The following XKR6 variants were observed in gnomAD, a reference collection of about 807,000 sequenced individuals.
XKR6 encodes the protein XK related 6.
In XKR6, 22 loss-of-function variants were observed where a neutral mutation model predicts 56.7. The observed-to-expected ratio is 0.39, with a 90% CI of 0.28 to 0.55. The LOEUF is 0.55. XKR6 is among the 20% of genes least tolerant of loss of function. The pLI is 0.66. For missense variants in XKR6, 852 were observed against 889.0 expected (o/e 0.96, Z 0.53); for synonymous variants, 524 against 387.8 (o/e 1.35, Z -4.13).
chr8:11,015,260 C>G (rs1161540653), intron 1 of XKR6, among the ~76,000 whole-genome samples: 3 of 151,736 alleles, frequency 2.0e-5, no homozygotes, highest in Non-Finnish European at 4.4e-5. Context: ...TAGCATTGCT[C>G]TGAAATCCTC....
chr8:11,195,360 TATC>T, intron 1 of XKR6: 1 of 589,056 alleles, frequency 1.7e-6, no homozygotes, highest in Non-Finnish European at 3.0e-6. Flanking sequence ...CAACTGCTAA[TATC>T]ATGTTAAATA....
chr8:11,094,005 C>T (rs865789155), intron 1 of XKR6, among the ~76,000 whole-genome samples: 4 of 151,206 alleles, frequency 2.6e-5, no homozygotes, highest in Admixed American at 6.6e-5. Context: ...CGGATGGTCT[C>T]GATCTCCTGA....
chr8:11,066,400 A>C (rs968072751), intron 1 of XKR6, among the ~76,000 whole-genome samples: 1 of 152,188 alleles, frequency 6.6e-6, no homozygotes, highest in African/African-American at 2.4e-5. Context: ...TTGATTTTGG[A>C]CATAAGCCAC....
chr8:10,986,245 T>C (rs780153898), intron 1 of XKR6, among the ~76,000 whole-genome samples: 1 of 152,186 alleles, frequency 6.6e-6, no homozygotes, highest in Non-Finnish European at 1.5e-5. Context: ...TAAAAGTGGA[T>C]ACCAACTTCA....
chr8:10,963,816 T>C (rs1220209643), intron 1 of XKR6, among the ~76,000 whole-genome samples: 6 of 152,132 alleles, frequency 3.9e-5, no homozygotes, highest in African/African-American at 1.4e-4. Context: ...AGTGCTGAGA[T>C]TCCAGGTACC....
chr8:11,045,075 C>CTTTTTTTTTTTTT (rs5889356), intron 1 of XKR6, among the ~76,000 whole-genome samples: 2 of 36,000 alleles, frequency 5.6e-5, no homozygotes, highest in Non-Finnish European at 1.0e-4. Context: ...TCAAATCACT[C>CTTTTTTTTTTTTT]TTTTTTTTTT....
chr8:11,148,294 A>G (rs2116963580), intron 1 of XKR6, among the ~76,000 whole-genome samples: 1 of 152,290 alleles, frequency 6.6e-6, no homozygotes, highest in East Asian at 1.9e-4. Context: ...GTGTCCTTAT[A>G]ATAATAGGAA....
intron 1 of XKR6, among the ~76,000 whole-genome samples, chr8:10,943,820 CCTTCTCATTCACTCCT>C (rs2129124483): frequency 6.6e-6 from 1 of 152,250 alleles, no homozygotes; most frequent in African/African-American, 2.4e-5. Context: ...CATTCCCTCC[CCTTCTCATTCACTCCT>C]GTCCACATCC....
chr8:10,959,521 C>T (rs1346735604), intron 1 of XKR6, among the ~76,000 whole-genome samples: 3 of 152,202 alleles, frequency 2.0e-5, no homozygotes, highest in African/African-American at 4.8e-5. Flanking sequence ...TGAGGGCTCT[C>T]TTCCTACTTG....
chr8:11,040,826 T>A (rs910682980), intron 1 of XKR6, among the ~76,000 whole-genome samples: 1 of 152,196 alleles, frequency 6.6e-6, no homozygotes, highest in Non-Finnish European at 1.5e-5. Context: ...ACTCTGGCTG[T>A]AGCTAATGGC....
chr8:10,992,603 T>C (rs1798019051), intron 1 of XKR6, among the ~76,000 whole-genome samples: 1 of 152,188 alleles, frequency 6.6e-6, no homozygotes. Context: ...CCTCTTGTTC[T>C]TATCATGAAG....
intron 1 of XKR6, among the ~76,000 whole-genome samples, chr8:11,157,068 C>T (rs1164773086): frequency 1.3e-5 from 2 of 152,144 alleles, no homozygotes; most frequent in African/African-American, 4.8e-5. Flanking sequence ...GGTATTGTTT[C>T]CAAAAATCCA....
intron 1 of XKR6, chr8:11,123,580 T>C: frequency 3.5e-6 from 1 of 286,706 alleles, no homozygotes; most frequent in South Asian, 3.5e-5. Flanking sequence ...GAAATAATCA[T>C]AATGGATATA....
At chr8:11,092,185 G>C (rs999448468) in intron 1 of XKR6, among the ~76,000 whole-genome samples, 1 of 152,148 alleles carries the variant, frequency 6.6e-6, no homozygotes, top group Non-Finnish European at 1.5e-5. Context: ...TCAGGTTTGC[G>C]ATAAGGGACT....
intron 1 of XKR6, among the ~76,000 whole-genome samples, chr8:11,041,846 G>C (rs892143029): frequency 6.6e-6 from 1 of 152,170 alleles, no homozygotes; most frequent in Admixed American, 6.5e-5. Context: ...ATACAGTTCA[G>C]GAAGTTTTCT....
At chr8:11,111,151 C>A (rs566754823) in intron 1 of XKR6, among the ~76,000 whole-genome samples, 91 of 152,054 alleles carry the variant, frequency 6.0e-4, no homozygotes, top group Non-Finnish European at 1.0e-3. Context: ...ACTGCGCCTG[C>A]CCAACTTTCC....
chr8:11,116,442 C>T (rs576314288), intron 1 of XKR6, among the ~76,000 whole-genome samples: 1 of 152,188 alleles, frequency 6.6e-6, no homozygotes, highest in Non-Finnish European at 1.5e-5. Flanking sequence ...ACAATCTTGG[C>T]TCACTGCAAC....
chr8:10,937,432 C>T (rs1251512520), intron 1 of XKR6, among the ~76,000 whole-genome samples: 2 of 151,450 alleles, frequency 1.3e-5, no homozygotes, highest in Non-Finnish European at 3.0e-5. Context: ...AGCTTTGTTC[C>T]GTTGCTGGTG....
chr8:11,119,808 T>G (rs1042661878), intron 1 of XKR6, among the ~76,000 whole-genome samples: 1 of 152,144 alleles, frequency 6.6e-6, no homozygotes, highest in African/African-American at 2.4e-5. Context: ...GCAAACCGAA[T>G]CCAGCAGCAC....
Sources: gnomAD v4.1 joint callset for allele counts (sites outside exome capture counted in the v4.1 genomes callset) on GRCh38, gnomAD v4.1.1 for gene constraint, MANE v1.5 for transcripts, NCBI Gene and HGNC (gene_info 2026-07-23, HGNC 2026-07-21) for gene names.